The following PIK3CD variants were observed in gnomAD, a reference collection of about 807,000 sequenced individuals.
The protein encoded by PIK3CD is phosphatidylinositol 4,5-bisphosphate 3-kinase catalytic subunit delta isoform.
PIK3CD carries 20 observed loss-of-function variants against 122.9 expected under a neutral mutation model. The ratio of observed to expected loss-of-function variants is 0.16; its 90% CI spans 0.11 to 0.24. The LOEUF (loss-of-function observed/expected upper bound fraction) is 0.24, where lower values mean the gene tolerates loss of function less well. PIK3CD is among the 10% of genes least tolerant of loss of function. The pLI is 1.00. For missense variants in PIK3CD, 787 were observed against 1,406.3 expected (o/e 0.56, Z 7.04); for synonymous variants, 596 against 593.4 (o/e 1.00, Z -0.06).
At chr1:9,694,525 CTCCGTCTCAAAAAATAAAA>C (rs1646328724) in intron 2 of PIK3CD, among the ~76,000 whole-genome samples, 1 of 152,146 alleles carries the variant, frequency 6.6e-6, no homozygotes, top group Non-Finnish European at 1.5e-5. Context: ...CAGAGTGAGA[CTCCGTCTCAAAAAATAAAA>C]GTCAGCTTAT....
chr1:9,709,181 C>T (rs1646955477), intron 2 of PIK3CD, among the ~76,000 whole-genome samples: 2 of 151,966 alleles, frequency 1.3e-5, no homozygotes, highest in African/African-American at 4.8e-5. Context: ...AGGCATGTGC[C>T]ACCATGCCCG....
chr1:9,650,554 GCAGAGATTGCAGTGAGC>G (rs1644652579), upstream of PIK3CD, among the ~76,000 whole-genome samples: 1 of 152,112 alleles, frequency 6.6e-6, no homozygotes, highest in African/African-American at 2.4e-5. Context: ...AACCCAGGAT[GCAGAGATTGCAGTGAGC>G]CGAGATGGCA....
At chr1:9,632,427 C>T in the PIK3CD span, among the ~76,000 whole-genome samples, 1 of 152,072 alleles carries the variant, frequency 6.6e-6, no homozygotes, top group Non-Finnish European at 1.5e-5. Flanking sequence ...TGGGCTCAAG[C>T]GATCCTCCCA....
rs2100978333 is a variant in PIK3CD, at chr1:9,722,227, GCT to G, written c.2235-12_2235-11del. 2 of 1,611,334 alleles carry G rather than the reference GCT, an allele frequency of 1.2e-6. No homozygotes were observed. The highest frequency in any genetic ancestry group is 1.7e-6 in the Non-Finnish European group (2 of 1,178,884). On this transcript the variant is annotated splice_polypyrimidine_tract_variant and intron_variant, in intron 17 of 23. Coordinates refer to ENST00000377346, the MANE Select transcript of PIK3CD (RefSeq NM_005026.5). This position sits in a 1 kb window ranked among gnomAD's most constrained non-coding sequence, Gnocchi z 7.6. ...GTAGAGGAGCCCCTGCTGACTGCCC[GCT>G]CTCTGGCCTGGCAGCGTGGAGCAGT...
chr1:9,677,709 C>A (rs1461130868), intron 1 of PIK3CD, among the ~76,000 whole-genome samples: 1 of 151,418 alleles, frequency 6.6e-6, no homozygotes, highest in Admixed American at 6.6e-5. Context: ...CGTGATCTTC[C>A]AGATCGTGCA....
upstream of PIK3CD, among the ~76,000 whole-genome samples, chr1:9,646,834 A>T (rs1167353193): frequency 6.6e-6 from 1 of 151,972 alleles, no homozygotes; most frequent in African/African-American, 2.4e-5. Flanking sequence ...TCACGCCTTT[A>T]GTCCCAGCTA....
chr1:9,659,298 C>T (rs920161612), intron 1 of PIK3CD, among the ~76,000 whole-genome samples: 2 of 152,166 alleles, frequency 1.3e-5, no homozygotes, highest in African/African-American at 4.8e-5. Context: ...GCACGTCCTG[C>T]ACATGTACCC....
intron 1 of PIK3CD, among the ~76,000 whole-genome samples, chr1:9,680,268 A>G (rs1570182470): frequency 1.3e-5 from 2 of 152,030 alleles, no homozygotes; most frequent in South Asian, 4.2e-4. Context: ...CAGTCACCAA[A>G]CCCCGCCTCA....
the PIK3CD span, among the ~76,000 whole-genome samples, chr1:9,645,692 A>G: frequency 8.2e-5 from 12 of 145,770 alleles, no homozygotes; most frequent in African/African-American, 3.1e-4. Context: ...CTGCACCTCT[A>G]CTTCCTGAGT....
intron 1 of PIK3CD, among the ~76,000 whole-genome samples, chr1:9,655,181 T>C (rs1001075479): frequency 2.0e-5 from 3 of 152,008 alleles, no homozygotes; most frequent in Non-Finnish European, 4.4e-5. Context: ...CTAGAAGCAG[T>C]ACCCCGGGAT....
intron 1 of PIK3CD, among the ~76,000 whole-genome samples, chr1:9,670,860 C>T (rs113010453): frequency 6.6e-6 from 1 of 151,786 alleles, no homozygotes; most frequent in African/African-American, 2.4e-5. Flanking sequence ...CTGGTTCAAG[C>T]GATTCTCATG....
chr1:9,634,804 T>A, the PIK3CD span, among the ~76,000 whole-genome samples: 1 of 152,166 alleles, frequency 6.6e-6, no homozygotes, highest in South Asian at 2.1e-4. Flanking sequence ...GACACCAATA[T>A]GTGTATTATT....
chr1:9,707,800 GTT>G (rs111811970), intron 2 of PIK3CD, among the ~76,000 whole-genome samples: 1 of 142,784 alleles, frequency 7.0e-6, no homozygotes, highest in Non-Finnish European at 1.5e-5. Flanking sequence ...TTATAATTTT[GTT>G]TTTTTTTTTG....
chr1:9,709,393 C>A (rs1210990100), intron 2 of PIK3CD, among the ~76,000 whole-genome samples: 1 of 151,292 alleles, frequency 6.6e-6, no homozygotes, highest in East Asian at 2.0e-4. Context: ...CATTTTTAAG[C>A]CTTTTGGTTT....
the PIK3CD span, among the ~76,000 whole-genome samples, chr1:9,644,098 G>A: frequency 6.6e-6 from 1 of 152,212 alleles, no homozygotes; most frequent in Non-Finnish European, 1.5e-5. Context: ...TGGTGGTGGT[G>A]AAGCCACTCC....
intron 2 of PIK3CD, among the ~76,000 whole-genome samples, chr1:9,692,480 A>G (rs945386636): frequency 3.9e-5 from 6 of 152,162 alleles, no homozygotes; most frequent in African/African-American, 1.4e-4. Flanking sequence ...TAATCCTAGC[A>G]CTTTGGGAGG....
At chr1:9,665,101 G>A (rs898605243) in intron 1 of PIK3CD, among the ~76,000 whole-genome samples, 5 of 151,506 alleles carry the variant, frequency 3.3e-5, no homozygotes, top group African/African-American at 1.2e-4. Flanking sequence ...CTACTTGGGA[G>A]GCTGAGGCAG....
upstream of PIK3CD, among the ~76,000 whole-genome samples, chr1:9,650,750 T>C (rs888571868): frequency 6.6e-5 from 10 of 152,162 alleles, no homozygotes; most frequent in African/African-American, 2.4e-4. Context: ...TGAATGAAGC[T>C]TGTCTTCTTA....
chr1:9,722,067 C>T lies in PIK3CD; in HGVS notation c.2148C>T (p.His716=), dbSNP rs148838884. ...AGCCCCAGACCAAGGAGCTGATGCACTTGTGCATGCGGCAGGAGGCCTACC... is the reference window on the plus strand; with the variant it reads ...AGCCCCAGACCAAGGAGCTGATGCATTTGTGCATGCGGCAGGAGGCCTACC... ...TPKPQTKELM[H]LCMRQEAYLE... is the part of the protein sequence containing the mutation. The change falls in exon 17 of 24, where the codon CAC becomes CAT. Residue 716 remains histidine (H), a synonymous_variant. Transcript: ENST00000377346. The surrounding 1 kb of genome is among the most constrained non-coding windows in gnomAD (Gnocchi z 7.6). The T allele has an allele frequency of 4.2e-5, 67 of 1,613,600 alleles. No individual in the cohort carries two copies. The highest frequency in any genetic ancestry group is 5.2e-5 in the Non-Finnish European group (61 of 1,180,014).
Sources: allele counts gnomAD v4.1 joint callset (sites outside exome capture counted in the v4.1 genomes callset), GRCh38; gene constraint gnomAD v4.1.1; non-coding constraint Gnocchi (gnomAD v3.1); transcripts MANE v1.5; gene names NCBI Gene and HGNC (gene_info 2026-07-23, HGNC 2026-07-21).